LYPLAL1: variants seen among roughly 807,000 people sequenced by gnomAD.
The protein encoded by LYPLAL1 is lysophospholipase-like protein 1.
In LYPLAL1, 23 loss-of-function variants were observed where a neutral mutation model predicts 19.7. The ratio of observed to expected loss-of-function variants is 1.17; its 90% CI spans 0.84 to 1.65. The LOEUF (loss-of-function observed/expected upper bound fraction) is 1.65. LYPLAL1 is among the 40% of genes most tolerant of loss of function. The probability of loss-of-function intolerance (pLI) is 0.00; values close to 1 mark genes in which losing one functional copy is unlikely to be tolerated. For missense variants in LYPLAL1, 355 were observed against 279.4 expected (o/e 1.27, Z -1.93); for synonymous variants, 119 against 96.3 (o/e 1.24, Z -1.38).
At chr1:219,434,224 T>C in the LYPLAL1 span, among the ~76,000 whole-genome samples, 1 of 152,218 alleles carries the variant, frequency 6.6e-6, no homozygotes, top group Non-Finnish European at 1.5e-5. Flanking sequence ...TAAGAAAAGA[T>C]TATTCAAGGT....
chr1:219,424,579 C>T, the LYPLAL1 span, among the ~76,000 whole-genome samples: 4 of 152,154 alleles, frequency 2.6e-5, no homozygotes, highest in South Asian at 8.3e-4. Flanking sequence ...AGGACATCTT[C>T]CCTCATTTCT....
At chr1:219,327,835 A>G in the LYPLAL1 span, among the ~76,000 whole-genome samples, 2 of 152,110 alleles carry the variant, frequency 1.3e-5, no homozygotes, top group African/African-American at 2.4e-5. Context: ...GCCTGCCACC[A>G]TGTAAGATGT....
the LYPLAL1 span, among the ~76,000 whole-genome samples, chr1:219,319,467 G>A: frequency 6.6e-6 from 1 of 152,094 alleles, no homozygotes. Flanking sequence ...ACAAAATAAT[G>A]CCCCCAAAAT....
the LYPLAL1 span, among the ~76,000 whole-genome samples, chr1:219,309,191 TGCAAAACCCCTTTGTTATG>T: frequency 6.6e-6 from 1 of 152,160 alleles, no homozygotes; most frequent in Non-Finnish European, 1.5e-5. Flanking sequence ...CCCTTTGTTT[TGCAAAACCCCTTTGTTATG>T]GCCAGTTTCT....
At chr1:219,193,943 A>G (rs1572181054) in intron 3 of LYPLAL1, among the ~76,000 whole-genome samples, 1 of 151,954 alleles carries the variant, frequency 6.6e-6, no homozygotes. Flanking sequence ...GATGAAATTA[A>G]AAAGCAAATT....
the LYPLAL1 span, among the ~76,000 whole-genome samples, chr1:219,345,881 A>G: frequency 5.9e-5 from 9 of 152,172 alleles, no homozygotes; most frequent in Admixed American, 5.2e-4. Flanking sequence ...AACCCCCTCA[A>G]TGTGATACTC....
At chr1:219,184,048 G>C (rs1412368046) in intron 2 of LYPLAL1, among the ~76,000 whole-genome samples, 1 of 151,692 alleles carries the variant, frequency 6.6e-6, no homozygotes, top group African/African-American at 2.4e-5. Context: ...TATGTTACTT[G>C]CATTTACGTG....
At chr1:219,330,738 C>A in the LYPLAL1 span, among the ~76,000 whole-genome samples, 1 of 152,172 alleles carries the variant, frequency 6.6e-6, no homozygotes, top group East Asian at 1.9e-4. Context: ...AGATTATTGG[C>A]TTTGACCAGC....
Position 219,211,710 on chromosome 1 carries a change from A to G in LYPLAL1, c.696A>G (p.Glu232=). 6.2e-7 allele frequency: 1 copy of G among 1,604,470 alleles called. No individual in the cohort carries two copies. Residue 232 remains glutamate, a synonymous_variant, in exon 5 of 5, where the codon GAA becomes GAG. Coordinates refer to ENST00000366928, the MANE Select transcript of LYPLAL1 (RefSeq NM_138794.5). ...GGATTCTTACAAAGCTGCCAGGAGA[A>G]ATGGAAAAACAAAAATGAATGAATC... ...KLWILTKLPG[E]MEKQK
At chr1:219,254,567 G>T in the LYPLAL1 span, among the ~76,000 whole-genome samples, 2 of 151,938 alleles carry the variant, frequency 1.3e-5, no homozygotes, top group Non-Finnish European at 2.9e-5. Context: ...GACATTCTTT[G>T]TTGAAGACTT....
At chr1:219,315,454 G>T in the LYPLAL1 span, among the ~76,000 whole-genome samples, 1 of 152,224 alleles carries the variant, frequency 6.6e-6, no homozygotes, top group Non-Finnish European at 1.5e-5. Context: ...AAGGCTTCTT[G>T]CACATCAAAT....
chr1:219,327,458 A>C, the LYPLAL1 span, among the ~76,000 whole-genome samples: 6,804 of 152,190 alleles, frequency 0.045, 298 homozygotes, highest in East Asian at 0.12. Flanking sequence ...AAGATGGGGG[A>C]GCAGCTCAGA....
At chr1:219,365,939 T>TA in the LYPLAL1 span, among the ~76,000 whole-genome samples, 1 of 152,240 alleles carries the variant, frequency 6.6e-6, no homozygotes, top group African/African-American at 2.4e-5. Flanking sequence ...GTGTTGACAA[T>TA]AAAAAATATC....
At chr1:219,256,399 C>T in the LYPLAL1 span, among the ~76,000 whole-genome samples, 1 of 151,554 alleles carries the variant, frequency 6.6e-6, no homozygotes, top group Non-Finnish European at 1.5e-5. Flanking sequence ...AATAATGATC[C>T]CTTTTTCCAG....
the LYPLAL1 span, among the ~76,000 whole-genome samples, chr1:219,322,063 G>A: frequency 2.6e-5 from 4 of 152,148 alleles, no homozygotes; most frequent in Non-Finnish European, 5.9e-5. Flanking sequence ...TCAAGAACTG[G>A]CTTAGAAATA....
chr1:219,224,505 A>G, the LYPLAL1 span, among the ~76,000 whole-genome samples: 1 of 152,274 alleles, frequency 6.6e-6, no homozygotes, highest in East Asian at 1.9e-4. Context: ...TTTTATACAT[A>G]TGGAAACAGA....
At chr1:219,388,499 C>G in the LYPLAL1 span, among the ~76,000 whole-genome samples, 1 of 152,120 alleles carries the variant, frequency 6.6e-6, no homozygotes, top group African/African-American at 2.4e-5. Context: ...ATTCCAAACT[C>G]TAAAAAGAGA....
chr1:219,305,676 C>G, the LYPLAL1 span, among the ~76,000 whole-genome samples: 1 of 152,140 alleles, frequency 6.6e-6, no homozygotes, highest in South Asian at 2.1e-4. Flanking sequence ...AAAACCCTAT[C>G]GTTTACAAAC....
the LYPLAL1 span, among the ~76,000 whole-genome samples, chr1:219,232,558 T>G: frequency 3.3e-5 from 5 of 152,148 alleles, no homozygotes; most frequent in Non-Finnish European, 7.4e-5. Flanking sequence ...AATTACAAAC[T>G]TCTGTATGTC....
Sources: allele counts gnomAD v4.1 joint callset (sites outside exome capture counted in the v4.1 genomes callset), GRCh38; gene constraint gnomAD v4.1.1; transcripts MANE v1.5; gene names NCBI Gene and HGNC (gene_info 2026-07-23, HGNC 2026-07-21).